DLGAP2: variants seen among roughly 807,000 people sequenced by gnomAD.
DLGAP2 encodes the protein disks large-associated protein 2.
Under a neutral mutation model 100.3 loss-of-function variants are expected in DLGAP2, and 26 were observed. The observed-to-expected ratio is 0.26, with a 90% CI of 0.19 to 0.36. The LOEUF (loss-of-function observed/expected upper bound fraction) is 0.36. Among genes scored for constraint, DLGAP2 ranks in the 10% least tolerant of loss-of-function variants. DLGAP2 has a pLI of 1.00. For synonymous variants in DLGAP2, 886 were observed against 630.1 expected (o/e 1.41, Z -6.08); for missense variants, 1,858 against 1,453.2 (o/e 1.28, Z -4.53).
intron 3 of DLGAP2, among the ~76,000 whole-genome samples, chr8:1,308,215 T>C (rs980779733): frequency 1.3e-5 from 2 of 152,240 alleles, no homozygotes; most frequent in East Asian, 1.9e-4. Flanking sequence ...AAAGGTGTTT[T>C]TGTCTTTTTC....
At chr8:1,446,045 T>C (rs1223633390) in intron 3 of DLGAP2, among the ~76,000 whole-genome samples, 1 of 151,834 alleles carries the variant, frequency 6.6e-6, no homozygotes, top group Non-Finnish European at 1.5e-5. Context: ...GTAGGTTGCC[T>C]GTTCACTCTG....
chr8:1,372,041 G>T (rs144606092), intron 3 of DLGAP2, among the ~76,000 whole-genome samples: 1 of 152,222 alleles, frequency 6.6e-6, no homozygotes, highest in Non-Finnish European at 1.5e-5. Context: ...CTGTGCAGGT[G>T]GGGGGCCTGA....
chr8:1,211,896 A>T (rs898871215), intron 2 of DLGAP2, among the ~76,000 whole-genome samples: 2 of 152,202 alleles, frequency 1.3e-5, no homozygotes, highest in Admixed American at 1.3e-4. Flanking sequence ...TAAAATAAAA[A>T]AATAAAAATA....
chr8:1,362,234 T>G (rs571189983), intron 3 of DLGAP2, among the ~76,000 whole-genome samples: 1 of 152,134 alleles, frequency 6.6e-6, no homozygotes, highest in East Asian at 1.9e-4. Context: ...GGGTGGGACC[T>G]GGTGTTCCCC....
intron 2 of DLGAP2, among the ~76,000 whole-genome samples, chr8:957,168 A>T (rs1799615259): frequency 6.6e-6 from 1 of 152,216 alleles, no homozygotes; most frequent in South Asian, 2.1e-4. Context: ...CTTCGGAGAG[A>T]GTCCTGGACC....
At chr8:1,667,321 C>T (rs943382711) in intron 8 of DLGAP2, among the ~76,000 whole-genome samples, 1 of 152,120 alleles carries the variant, frequency 6.6e-6, no homozygotes, top group Non-Finnish European at 1.5e-5. Flanking sequence ...TCATCATCTC[C>T]GGATGCATTT....
intron 2 of DLGAP2, among the ~76,000 whole-genome samples, chr8:1,149,219 C>T: frequency 6.6e-6 from 1 of 152,086 alleles, no homozygotes; most frequent in East Asian, 1.9e-4. Context: ...AATGTCGGCT[C>T]ACTGCAAGCT....
chr8:1,202,848 A>G (rs1333880934), intron 2 of DLGAP2, among the ~76,000 whole-genome samples: 1 of 152,188 alleles, frequency 6.6e-6, no homozygotes, highest in Non-Finnish European at 1.5e-5. Flanking sequence ...AAAAGCAGCC[A>G]TGTCTTGTCT....
At chr8:1,321,115 G>C (rs1376729727) in intron 3 of DLGAP2, among the ~76,000 whole-genome samples, 1 of 152,084 alleles carries the variant, frequency 6.6e-6, no homozygotes, top group Non-Finnish European at 1.5e-5. Flanking sequence ...GCCTCTGTGT[G>C]TGTGTGCATC....
intron 2 of DLGAP2, among the ~76,000 whole-genome samples, chr8:1,122,262 GAC>G (rs1796066730): frequency 6.6e-6 from 1 of 152,196 alleles, no homozygotes; most frequent in African/African-American, 2.4e-5. Context: ...TGTCCATGGA[GAC>G]AGAGTTTTCA....
chr8:1,033,962 C>T (rs1273109835), intron 2 of DLGAP2, among the ~76,000 whole-genome samples: 1 of 128,752 alleles, frequency 7.8e-6, no homozygotes, highest in East Asian at 2.6e-4. Context: ...CTCATCCCGA[C>T]CCCGCGTGTC....
Position 842,007 on chromosome 8 carries a change from C to T in DLGAP2, c.19-65905C>T, listed in dbSNP as rs576144032. ...TTGGACACTGCCACCAGTGTGACTA[C>T]GGAAGACACCAAGTACCTTTCTCAC... On this transcript the variant is annotated intron_variant, in intron 1 of 14. Transcript: ENST00000637795. Among the ~76,000 whole-genome samples, 7 of 152,250 alleles carry T rather than the reference C, an allele frequency of 4.6e-5. No homozygotes were observed. The South Asian group carries it at 6.2e-4, about 14-fold the overall frequency.
intron 1 of DLGAP2, among the ~76,000 whole-genome samples, chr8:848,783 C>T (rs1168892719): frequency 2.7e-5 from 4 of 145,942 alleles, no homozygotes; most frequent in African/African-American, 7.7e-5. Flanking sequence ...AGTGTAGGGT[C>T]GTGCGGTGCG....
intron 3 of DLGAP2, among the ~76,000 whole-genome samples, chr8:1,484,743 A>C (rs1799195340): frequency 6.6e-6 from 1 of 152,238 alleles, no homozygotes; most frequent in African/African-American, 2.4e-5. Context: ...AACCAACCAT[A>C]GTTGGGCATC....
chr8:1,209,974 A>G (rs1312312638), intron 2 of DLGAP2, among the ~76,000 whole-genome samples: 2 of 152,186 alleles, frequency 1.3e-5, no homozygotes, highest in South Asian at 2.1e-4. Context: ...TAGCAACTCA[A>G]ATAATTTGCC....
At chr8:1,241,192 TCA>T (rs1302641189) in intron 2 of DLGAP2, among the ~76,000 whole-genome samples, 13 of 51,990 alleles carry the variant, frequency 2.5e-4, no homozygotes, top group African/African-American at 5.9e-4. Flanking sequence ...TCTCGTTCTC[TCA>T]CATGGAGCCA....
rs191238495 is a variant in DLGAP2 at position 834,094 on chromosome 8, G to A, written c.19-73818G>A. Among the ~76,000 whole-genome samples, 35 of 152,304 alleles carry A rather than the reference G, an allele frequency of 2.3e-4. 1 individual carries two copies. The South Asian group carries it at 6.0e-3, about 26-fold the overall frequency. On this transcript the variant is annotated intron_variant, in intron 1 of 14. Coordinates refer to ENST00000637795, the MANE Select transcript of DLGAP2 (RefSeq NM_001346810.2). ...GAAGCAGAAACCAGGGCTGAATCAC[G>A]TTCCCAGGCAACTCAGCGTTGCCTA...
intron 3 of DLGAP2, among the ~76,000 whole-genome samples, chr8:1,357,818 A>G (rs1213733261): frequency 2.0e-5 from 3 of 152,162 alleles, no homozygotes; most frequent in African/African-American, 4.8e-5. Context: ...GCTGGGGCTC[A>G]GGGCTGTGGG....
At chr8:1,273,713 T>C (rs973611296) in intron 3 of DLGAP2, among the ~76,000 whole-genome samples, 24 of 152,372 alleles carry the variant, frequency 1.6e-4, no homozygotes, top group African/African-American at 5.5e-4. Context: ...GTGGTACCTC[T>C]GCTCAAAGGT....
Sources: gnomAD v4.1 joint callset for allele counts (sites outside exome capture counted in the v4.1 genomes callset) on GRCh38, gnomAD v4.1.1 for gene constraint, MANE v1.5 for transcripts, NCBI Gene and HGNC (gene_info 2026-07-23, HGNC 2026-07-21) for gene names.